Variants in MCC observed in about 807,000 individuals in gnomAD.
The protein encoded by MCC is colorectal mutant cancer protein.
Under a neutral mutation model 116.2 loss-of-function variants are expected in MCC, and 90 were observed. The observed-to-expected ratio is 0.77, with a 90% CI of 0.65 to 0.92. The LOEUF is 0.92. MCC is among the 40% of genes least tolerant of loss of function. The probability of loss-of-function intolerance (pLI) is 0.00; values close to 1 mark genes in which losing one functional copy is unlikely to be tolerated. For synonymous variants in MCC, 578 were observed against 510.5 expected, an observed-to-expected ratio of 1.13 and a Z score of -1.78; for missense variants, 1,516 against 1,312.2, an observed-to-expected ratio of 1.16 and a Z score of -2.40.
intron 1 of MCC, among the ~76,000 whole-genome samples, chr5:113,390,923 C>CA (rs1561548666): frequency 2.0e-5 from 3 of 152,076 alleles, no homozygotes; most frequent in African/African-American, 7.2e-5. Context: ...TTGAGTCACA[C>CA]AAAAAATGTA....
At chr5:113,182,416 T>C (rs950313857) in intron 3 of MCC, among the ~76,000 whole-genome samples, 7 of 152,208 alleles carry the variant, frequency 4.6e-5, no homozygotes, top group African/African-American at 1.7e-4. Context: ...GTATCTACTA[T>C]GCACCAGGCA....
chr5:113,195,955 G>A (rs918337997), intron 3 of MCC, among the ~76,000 whole-genome samples: 19 of 152,128 alleles, frequency 1.2e-4, no homozygotes, highest in African/African-American at 4.3e-4. Flanking sequence ...CAGGGAGAAG[G>A]ATGTTTTCTC....
chr5:113,067,350 T>C (rs1031169268), intron 13 of MCC, among the ~76,000 whole-genome samples: 1 of 152,104 alleles, frequency 6.6e-6, no homozygotes, highest in African/African-American at 2.4e-5. Flanking sequence ...AAACCCATGT[T>C]TCAAAACTAC....
At chr5:113,113,425 A>C (rs1445300778) in intron 6 of MCC, among the ~76,000 whole-genome samples, 1 of 152,158 alleles carries the variant, frequency 6.6e-6, no homozygotes, top group Non-Finnish European at 1.5e-5. Context: ...GTTGAACACC[A>C]AAGAGAAGAC....
intron 1 of MCC, 77 bp from the exon 2 acceptor site, chr5:113,385,289 A>C: frequency 6.9e-7 from 1 of 1,441,252 alleles, no homozygotes. Context: ...TGAAAAAAAA[A>C]AGGTATTTCT....
intron 8 of MCC, among the ~76,000 whole-genome samples, chr5:113,097,187 T>C (rs1756076436): frequency 6.6e-6 from 1 of 152,226 alleles, no homozygotes. Context: ...CAGATCATTC[T>C]CCATAATCCA....
At chr5:113,194,122 A>C (rs1435845969) in intron 3 of MCC, among the ~76,000 whole-genome samples, 6 of 152,194 alleles carry the variant, frequency 3.9e-5, no homozygotes, top group Non-Finnish European at 8.8e-5. Context: ...AAGTAACATA[A>C]ACATCATCGT....
chr5:113,307,974 C>CTT (rs113157191), intron 3 of MCC, among the ~76,000 whole-genome samples: 1 of 144,704 alleles, frequency 6.9e-6, no homozygotes, highest in Non-Finnish European at 1.5e-5. Context: ...TGTCTAAATC[C>CTT]TTTTTTTTTT....
At chr5:113,037,144 C>T (rs1751380624) in intron 17 of MCC, among the ~76,000 whole-genome samples, 1 of 152,220 alleles carries the variant, frequency 6.6e-6, no homozygotes. Context: ...GCACCCCACC[C>T]ACTTCCCTTT....
intron 3 of MCC, among the ~76,000 whole-genome samples, chr5:113,271,663 T>C (rs972106366): frequency 2.6e-5 from 4 of 152,176 alleles, no homozygotes; most frequent in African/African-American, 7.2e-5. Context: ...CCCAGCACAA[T>C]AGTGTTAAGA....
At chr5:113,129,449 T>C (rs537878954) in intron 5 of MCC, among the ~76,000 whole-genome samples, 11 of 152,288 alleles carry the variant, frequency 7.2e-5, no homozygotes, top group African/African-American at 2.6e-4. Flanking sequence ...ACAGGGTGGC[T>C]TAAACAACAG....
chr5:113,488,042 C>T lies in MCC; in HGVS notation c.170+203G>A, dbSNP rs954727010. On this transcript the variant is annotated intron_variant, in intron 1 of 18. Coordinates refer to ENST00000408903, the MANE Select transcript of MCC (RefSeq NM_001085377.2). ...ACAGCGCTGGGAAAAGTTGGACCAA[C>T]TGGCACCCCCGCAAGGCGAACAGAG... Among the ~76,000 whole-genome samples the T allele has an allele frequency of 1.4e-4, 22 of 152,182 alleles. 1 individual carries two copies. Among genetic ancestry groups the T allele is most frequent in the Admixed American group, 5.2e-4 (8 of 15,288 alleles).
At chr5:113,320,552 T>C (rs78711385) in intron 3 of MCC, among the ~76,000 whole-genome samples, 81 of 151,702 alleles carry the variant, frequency 5.3e-4, no homozygotes, top group Non-Finnish European at 8.8e-4. Context: ...ATGTTCCAAA[T>C]ATTTAGACTT....
chr5:113,386,454 C>A lies in MCC; in HGVS notation c.171-1242G>T, dbSNP rs191660251. ...TCCTTATCCCTAATTCTGTGCCCTG[C>A]ACTCCCCTCCCCCACCTCTGCCCTT... On this transcript the variant is annotated intron_variant, in intron 1 of 18. Coordinates refer to ENST00000408903, the MANE Select transcript of MCC (RefSeq NM_001085377.2). Among the ~76,000 whole-genome samples the A allele has an allele frequency of 3.9e-3, 598 of 152,196 alleles. 4 individuals carry two copies. The highest frequency in any genetic ancestry group is 0.014 in the African/African-American group (577 of 41,498).
At chr5:113,071,045 G>T in intron 12 of MCC, 49 bp downstream of exon 12, 7 of 1,577,258 alleles carry the variant, frequency 4.4e-6, no homozygotes, top group South Asian at 1.2e-5. Context: ...GGTTACTCTG[G>T]ATGCACTTCT....
At chr5:113,089,607 G>C (rs1344482324) in intron 8 of MCC, among the ~76,000 whole-genome samples, 2 of 152,246 alleles carry the variant, frequency 1.3e-5, no homozygotes, top group African/African-American at 4.8e-5. Flanking sequence ...AAATGTTCTA[G>C]AGTGGCACTA....
chr5:113,225,608 C>T (rs1290797714), intron 3 of MCC, among the ~76,000 whole-genome samples: 1 of 152,174 alleles, frequency 6.6e-6, no homozygotes, highest in Admixed American at 6.5e-5. Flanking sequence ...TCCATGGAGT[C>T]CTTCACCTCC....
At chr5:113,331,103 G>A (rs1405646826) in intron 3 of MCC, among the ~76,000 whole-genome samples, 1 of 152,202 alleles carries the variant, frequency 6.6e-6, no homozygotes, top group Non-Finnish European at 1.5e-5. Flanking sequence ...CCCTTTGCAG[G>A]GCCAGCATTA....
chr5:113,118,925 G>A (rs989069597), intron 6 of MCC, among the ~76,000 whole-genome samples: 1 of 152,122 alleles, frequency 6.6e-6, no homozygotes, highest in Non-Finnish European at 1.5e-5. Flanking sequence ...CTCCTCATGG[G>A]CTCCGACCCC....
Sources: allele counts gnomAD v4.1 joint callset (sites outside exome capture counted in the v4.1 genomes callset), GRCh38; gene constraint gnomAD v4.1.1; transcripts MANE v1.5; gene names NCBI Gene and HGNC (gene_info 2026-07-23, HGNC 2026-07-21).